The following GALNT18 variants were observed in gnomAD, a reference collection of about 807,000 sequenced individuals.
GALNT18 encodes polypeptide N-acetylgalactosaminyltransferase 18.
GALNT18 carries 44 observed loss-of-function variants against 69.5 expected under a neutral mutation model. That is an observed-to-expected ratio of 0.63 (90% CI 0.50 to 0.81). The LOEUF (loss-of-function observed/expected upper bound fraction) is 0.81. Ranked by LOEUF, GALNT18 falls within the 40% of genes least tolerant of loss-of-function variation. The pLI, the probability that GALNT18 is intolerant of heterozygous loss-of-function variation, is 0.00. For missense variants in GALNT18, 715 were observed against 810.0 expected, an observed-to-expected ratio of 0.88 and a Z score of 1.42; for synonymous variants, 364 against 318.2, an observed-to-expected ratio of 1.14 and a Z score of -1.53.
intron 1 of GALNT18, among the ~76,000 whole-genome samples, chr11:11,509,161 G>GAA (rs796495888): frequency 1.4e-5 from 2 of 147,420 alleles, no homozygotes; most frequent in African/African-American, 5.0e-5. Context: ...CTAAAGAAAA[G>GAA]AAAAAAAAAA....
chr11:11,448,950 G>T lies in GALNT18; in HGVS notation c.236-14C>A. On this transcript the variant is annotated splice_polypyrimidine_tract_variant and intron_variant, in intron 1 of 10. Coordinates refer to ENST00000227756, the MANE Select transcript of GALNT18 (RefSeq NM_198516.3). ...TGGCAGGAGCCTCTGGAGAAAGAAG[G>T]AACAGGAGACAGTGGGTCAGAGTGC... The T allele has an allele frequency of 6.4e-7, 1 of 1,564,822 alleles. No individual in the cohort carries two copies. The highest frequency in any genetic ancestry group is 1.2e-5 in the South Asian group (1 of 85,116).
Position 11,314,231 on chromosome 11 carries a change from T to C in GALNT18, c.1512+12855A>G, listed in dbSNP as rs4910316. On this transcript the variant is annotated intron_variant, in intron 9 of 10. Coordinates refer to ENST00000227756, the MANE Select transcript of GALNT18 (RefSeq NM_198516.3). The surrounding 1 kb of genome is among the most constrained non-coding windows in gnomAD (Gnocchi z 5.2). Reference sequence around the variant, plus strand: ...TCTGGTTAGTGAGTCTGAACATTGGTCCACTGTGGAGCTGCTAATGACTGC... The same window carrying C: ...TCTGGTTAGTGAGTCTGAACATTGGCCCACTGTGGAGCTGCTAATGACTGC... Among the ~76,000 whole-genome samples, 127,960 of 152,158 alleles carry C rather than the reference T, an allele frequency of 0.84. 54,538 individuals carry two copies. The highest frequency in any genetic ancestry group is 0.92 in the African/African-American group (38,311 of 41,520).
chr11:11,532,173 C>T (rs1564997594), intron 1 of GALNT18, among the ~76,000 whole-genome samples: 1 of 151,486 alleles, frequency 6.6e-6, no homozygotes, highest in Non-Finnish European at 1.5e-5. Context: ...CCCTGGAGGA[C>T]AAGGTAAAAA....
chr11:11,309,184 A>T lies in GALNT18; in HGVS notation c.1513-15991T>A, dbSNP rs11021776. Among the ~76,000 whole-genome samples, 12,084 of 152,148 alleles carry T rather than the reference A, an allele frequency of 0.079. 622 individuals carry two copies. The highest frequency in any genetic ancestry group is 0.11 in the Non-Finnish European group (7,681 of 67,974). Reference sequence around the variant, plus strand: ...TCCCCTCTCTAGCCCTTCTTTCTACACTTCCACCATGGGATGACACCACAA... The same window carrying T: ...TCCCCTCTCTAGCCCTTCTTTCTACTCTTCCACCATGGGATGACACCACAA... On this transcript the variant is annotated intron_variant, in intron 9 of 10. Transcript: ENST00000227756. This position sits in a 1 kb window ranked among gnomAD's most constrained non-coding sequence, Gnocchi z 4.6.
At chr11:11,414,382 A>G (rs1441375260) in intron 3 of GALNT18, among the ~76,000 whole-genome samples, 1 of 152,150 alleles carries the variant, frequency 6.6e-6, no homozygotes, top group Non-Finnish European at 1.5e-5. Flanking sequence ...ATCTCAAGCC[A>G]TCCTCCCGCT....
At chr11:11,504,361 C>T (rs544938650) in intron 1 of GALNT18, among the ~76,000 whole-genome samples, 1 of 152,306 alleles carries the variant, frequency 6.6e-6, no homozygotes, top group East Asian at 1.9e-4. Context: ...TGGGCACACT[C>T]CTGACTCCCT....
rs11021878 is a variant in GALNT18, at chr11:11,494,152, A to G, written c.236-45216T>C. On this transcript the variant is annotated intron_variant, in intron 1 of 10. Coordinates refer to ENST00000227756, the MANE Select transcript of GALNT18 (RefSeq NM_198516.3). The surrounding 1 kb of genome is among the most constrained non-coding windows in gnomAD (Gnocchi z 5.7). ...ATCTTAATAAATGTTAGATATTAGA[A>G]TTATTATCAACATCAGGAATAAGAT... Among the ~76,000 whole-genome samples the G allele has an allele frequency of 3.9e-5, 6 of 152,346 alleles. No homozygotes were observed. The East Asian group carries it at 7.7e-4, about 20-fold the overall frequency.
intron 10 of GALNT18, among the ~76,000 whole-genome samples, chr11:11,273,999 G>A (rs890548660): frequency 6.6e-5 from 10 of 152,102 alleles, no homozygotes; most frequent in Non-Finnish European, 1.2e-4. Context: ...CATCTCATTC[G>A]GACTGGTTGG....
chr11:11,552,927 C>T (rs1206688382), intron 1 of GALNT18, among the ~76,000 whole-genome samples: 1 of 152,190 alleles, frequency 6.6e-6, no homozygotes, highest in African/African-American at 2.4e-5. Flanking sequence ...CCACTCCAGA[C>T]TGAGATCAGC....
At chr11:11,294,779 G>A (rs1303138359) in intron 9 of GALNT18, among the ~76,000 whole-genome samples, 1 of 152,130 alleles carries the variant, frequency 6.6e-6, no homozygotes, top group East Asian at 1.9e-4. Flanking sequence ...ATGGTTCCCA[G>A]TCAGGGCTCC....
chr11:11,274,897 A>C (rs145765188), intron 10 of GALNT18, among the ~76,000 whole-genome samples: 1 of 152,270 alleles, frequency 6.6e-6, no homozygotes, highest in African/African-American at 2.4e-5. Context: ...TTATGGCTGC[A>C]TAGTGTTCCA....
At position 11,466,142 on chromosome 11, in the gene GALNT18, T is replaced by G. The variant is rs143054821; in HGVS notation, c.236-17206A>C. On this transcript the variant is annotated intron_variant, in intron 1 of 10. Coordinates refer to ENST00000227756, the MANE Select transcript of GALNT18 (RefSeq NM_198516.3). Reference sequence around the variant, plus strand: ...GTGATTAACTCTGACACATTCTGTTTTATTCTGTAATATTCTATTAAGAAG... The same window carrying G: ...GTGATTAACTCTGACACATTCTGTTGTATTCTGTAATATTCTATTAAGAAG... 4.2e-3 allele frequency among the ~76,000 whole-genome samples: 643 copies of G among 152,344 alleles called. 6 individuals carry two copies. Among genetic ancestry groups the G allele is most frequent in the African/African-American group, 0.014 (582 of 41,582 alleles).
chr11:11,407,693 C>T (rs1854622079), intron 3 of GALNT18, among the ~76,000 whole-genome samples: 1 of 152,186 alleles, frequency 6.6e-6, no homozygotes, highest in Non-Finnish European at 1.5e-5. Flanking sequence ...AGCTGCAAAA[C>T]TTTATTTGGC....
intron 1 of GALNT18, among the ~76,000 whole-genome samples, chr11:11,481,032 A>G (rs1297798986): frequency 2.6e-5 from 4 of 152,122 alleles, no homozygotes; most frequent in Non-Finnish European, 5.9e-5. Context: ...CAAGTTCCTC[A>G]GCACCGACTT....
At chr11:11,487,942 T>C (rs1054375739) in intron 1 of GALNT18, among the ~76,000 whole-genome samples, 2 of 152,158 alleles carry the variant, frequency 1.3e-5, no homozygotes, top group Non-Finnish European at 2.9e-5. Flanking sequence ...ATGAAAATAA[T>C]GGCTTGAGTG....
rs149295617 is a variant in GALNT18, at chr11:11,332,922, A to G, written c.1279-91T>C. 15 of 1,436,996 alleles carry G rather than the reference A, an allele frequency of 1.0e-5. No homozygotes were observed. The African/African-American group carries it at 2.1e-4, about 20-fold the overall frequency. 89.0% of individuals were successfully genotyped at this position (1,436,996 alleles called of 1,614,324 possible). On this transcript the variant is annotated intron_variant, in intron 7 of 10. Transcript: ENST00000227756. The surrounding 1 kb of genome is among the most constrained non-coding windows in gnomAD (Gnocchi z 4.3). ...TTTGGCATGACCTTGTGCCCCCAAC[A>G]AGATTCCTAGAGACTGGGGAAGGGA...
At chr11:11,401,011 G>A (rs531982545) in intron 3 of GALNT18, among the ~76,000 whole-genome samples, 76 of 152,296 alleles carry the variant, frequency 5.0e-4, no homozygotes, top group Middle Eastern at 3.4e-3. Flanking sequence ...GGGCAGGAAC[G>A]TAGGCAGTGC....
Position 11,581,392 on chromosome 11 carries a change from C to T in GALNT18, c.235+39967G>A, listed in dbSNP as rs1439652681. ...GCTGGTCATGTGTGATTCCTGCCTT[C>T]TGGGGATGCCTGCCAGGATTTTCTG... On this transcript the variant is annotated intron_variant, in intron 1 of 10. Coordinates refer to ENST00000227756, the MANE Select transcript of GALNT18 (RefSeq NM_198516.3). Among the ~76,000 whole-genome samples the T allele has an allele frequency of 5.9e-5, 9 of 152,192 alleles. No homozygotes were observed. In the East Asian group the frequency reaches 1.7e-3, roughly 29 times the overall value.
rs1855236020 is a variant in GALNT18 at position 11,430,228 on chromosome 11, T to C, written c.595+2393A>G. ...ACCAGAATCTCCTAGGAGAGCTTTT[T>C]GTTTGTTTTAACTTAATATTTTGAA... is the stretch of plus-strand genomic sequence containing the variant. On this transcript the variant is annotated intron_variant, in intron 3 of 10. Coordinates refer to ENST00000227756, the MANE Select transcript of GALNT18 (RefSeq NM_198516.3). The surrounding 1 kb of genome is among the most constrained non-coding windows in gnomAD (Gnocchi z 4.9). 1.3e-5 allele frequency among the ~76,000 whole-genome samples: 2 copies of C among 151,352 alleles called. No homozygotes were observed. The highest frequency in any genetic ancestry group is 2.1e-4 in the South Asian group (1 of 4,832).
Sources: gnomAD v4.1 joint callset for allele counts (sites outside exome capture counted in the v4.1 genomes callset) on GRCh38, gnomAD v4.1.1 for gene constraint, Gnocchi (gnomAD v3.1) non-coding constraint, MANE v1.5 for transcripts, NCBI Gene and HGNC (gene_info 2026-07-23, HGNC 2026-07-21) for gene names.